The following CTNNBIP1 variants were observed in gnomAD, a reference collection of about 807,000 sequenced individuals.
CTNNBIP1 encodes beta-catenin-interacting protein 1.
In CTNNBIP1, 7 loss-of-function variants were observed where a neutral mutation model predicts 11.8. That is an observed-to-expected ratio of 0.60 (90% confidence interval 0.34 to 1.12). The LOEUF (loss-of-function observed/expected upper bound fraction) is 1.12. Ranked by LOEUF, CTNNBIP1 falls within the 50% of genes most tolerant of loss-of-function variation. The pLI is 0.03. For synonymous variants in CTNNBIP1, 58 were observed against 43.9 expected, an observed-to-expected ratio of 1.32 and a Z score of -1.26; for missense variants, 101 against 113.4, an observed-to-expected ratio of 0.89 and a Z score of 0.50.
At chr1:9,873,578 G>T (rs898854865) in intron 3 of CTNNBIP1, among the ~76,000 whole-genome samples, 1 of 152,120 alleles carries the variant, frequency 6.6e-6, no homozygotes, top group Admixed American at 6.5e-5. Context: ...ACACAGCCTT[G>T]TGGGGTGAAC....
chr1:9,858,782 G>A (rs2101445172), intron 5 of CTNNBIP1, among the ~76,000 whole-genome samples: 1 of 152,288 alleles, frequency 6.6e-6, no homozygotes, highest in African/African-American at 2.4e-5. Flanking sequence ...TGGGACACAG[G>A]ATGAATCTTT....
At chr1:9,876,880 A>G (rs995026072) in intron 3 of CTNNBIP1, among the ~76,000 whole-genome samples, 10 of 148,000 alleles carry the variant, frequency 6.8e-5, no homozygotes, top group Non-Finnish European at 1.5e-4. Flanking sequence ...ACACACACAC[A>G]CACACACACA....
At position 9,851,283 on chromosome 1, in the gene CTNNBIP1, G is replaced by A. The variant is rs757548139; in HGVS notation, c.188-507C>T. On this transcript the variant is annotated intron_variant, in intron 5 of 5. Coordinates refer to ENST00000377263, the MANE Select transcript of CTNNBIP1 (RefSeq NM_020248.3). This position sits in a 1 kb window ranked among gnomAD's most constrained non-coding sequence, Gnocchi z 4.8. ...AACACCTCTTCCAAGAAGTATGGCC[G>A]GGCCCACGTCCAGCCTGCTGTCCGC... Among the ~76,000 whole-genome samples, 3 of 152,284 alleles carry A rather than the reference G, an allele frequency of 2.0e-5. No homozygotes were observed. Among genetic ancestry groups the A allele is most frequent in the East Asian group, 1.9e-4 (1 of 5,186 alleles).
chr1:9,868,210 G>A (rs1281065619), intron 5 of CTNNBIP1, among the ~76,000 whole-genome samples: 1 of 152,216 alleles, frequency 6.6e-6, no homozygotes, highest in Non-Finnish European at 1.5e-5. Flanking sequence ...GCAGCAGGGA[G>A]TGACTCCCAC....
chr1:9,862,957 A>AG (rs1638663850), intron 5 of CTNNBIP1, among the ~76,000 whole-genome samples: 1 of 152,164 alleles, frequency 6.6e-6, no homozygotes, highest in Non-Finnish European at 1.5e-5. Flanking sequence ...CCAGGGCTTG[A>AG]GGGGGGAAGT....
chr1:9,857,139 A>G (rs1392356872), intron 5 of CTNNBIP1, among the ~76,000 whole-genome samples: 1 of 150,090 alleles, frequency 6.7e-6, no homozygotes, highest in African/African-American at 2.5e-5. Flanking sequence ...AAACAAAACA[A>G]AACAAAAAAA....
At chr1:9,869,798 G>A (rs564068566) in intron 5 of CTNNBIP1, among the ~76,000 whole-genome samples, 61 of 152,234 alleles carry the variant, frequency 4.0e-4, no homozygotes, top group Non-Finnish European at 8.7e-4. Flanking sequence ...TCAGAAGCCT[G>A]AAGGTTTCAG....
chr1:9,871,680 GA>G lies in CTNNBIP1; in HGVS notation c.96+288del, dbSNP rs981070359. 1.3e-5 allele frequency among the ~76,000 whole-genome samples: 2 copies of G among 152,168 alleles called. No individual in the cohort carries two copies. Among genetic ancestry groups the G allele is most frequent in the African/African-American group, 4.8e-5 (2 of 41,436 alleles). ...CCCTGAGCTGCCCCCTGGGAGAGAA[GA>G]CTTTCGGGCTTGTGAGGGGGAGAAA... On this transcript the variant is annotated intron_variant, in intron 4 of 5. Coordinates refer to ENST00000377263, the MANE Select transcript of CTNNBIP1 (RefSeq NM_020248.3). The surrounding 1 kb of genome is among the most constrained non-coding windows in gnomAD (Gnocchi z 5.2).
At chr1:9,857,334 G>T (rs903631986) in intron 5 of CTNNBIP1, among the ~76,000 whole-genome samples, 4 of 151,376 alleles carry the variant, frequency 2.6e-5, no homozygotes, top group Non-Finnish European at 5.9e-5. Flanking sequence ...CAAAAAATTA[G>T]CCGGGTGTGG....
At position 9,857,266 on chromosome 1, in the gene CTNNBIP1, G is replaced by T. The variant is rs550381703; in HGVS notation, c.188-6490C>A. ...GGGGCCAAGATGGGCAGATCACAAG[G>T]TCAGGAGATCAAGACCATCCTGGCT... On this transcript the variant is annotated intron_variant, in intron 5 of 5. Coordinates refer to ENST00000377263, the MANE Select transcript of CTNNBIP1 (RefSeq NM_020248.3). Among the ~76,000 whole-genome samples, 9 of 151,098 alleles carry T rather than the reference G, an allele frequency of 6.0e-5. 1 individual carries two copies. In the South Asian group the frequency reaches 1.5e-3, roughly 25 times the overall value.
chr1:9,892,393 G>A (rs945932596), intron 1 of CTNNBIP1, among the ~76,000 whole-genome samples: 5 of 149,592 alleles, frequency 3.3e-5, no homozygotes, highest in African/African-American at 1.2e-4. Flanking sequence ...CTGCATTCCA[G>A]CCTGGGGGAC....
Position 9,872,053 on chromosome 1 carries a change from C to T in CTNNBIP1, c.12G>A (p.Glu4=). 6.2e-7 allele frequency: 1 copy of T among 1,614,168 alleles called. No homozygotes were observed. The highest frequency in any genetic ancestry group is 8.5e-7 in the Non-Finnish European group (1 of 1,179,968). ...CCTCCGGACTCTTCCCGGGAGCTCC[C>T]TCGCGGTTCATCCCCCTGCCTGGCT... MNR[E]GAPGKSPEEM... Residue 4 remains glutamate (E), a synonymous_variant, in exon 4 of 6, where the codon GAG becomes GAA. Transcript: ENST00000377263. The surrounding 1 kb of genome is among the most constrained non-coding windows in gnomAD (Gnocchi z 4.0).
intron 1 of CTNNBIP1, among the ~76,000 whole-genome samples, chr1:9,896,556 C>T (rs113787508): frequency 4.6e-5 from 7 of 151,232 alleles, no homozygotes; most frequent in African/African-American, 1.5e-4. Flanking sequence ...AAAATTAGGC[C>T]GGCCATGGCG....
intron 5 of CTNNBIP1, among the ~76,000 whole-genome samples, chr1:9,869,201 T>C (rs1638807914): frequency 6.6e-6 from 1 of 151,962 alleles, no homozygotes. Context: ...GGTCTCCCTA[T>C]GTTGCCCAGG....
chr1:9,858,366 C>CCACAG (rs1638552018), intron 5 of CTNNBIP1, among the ~76,000 whole-genome samples: 1 of 152,216 alleles, frequency 6.6e-6, no homozygotes, highest in Non-Finnish European at 1.5e-5. Flanking sequence ...CACCTCCTCA[C>CCACAG]TGTGGCCTGC....
intron 1 of CTNNBIP1, among the ~76,000 whole-genome samples, chr1:9,887,972 C>T (rs1185732476): frequency 6.6e-6 from 1 of 151,644 alleles, no homozygotes; most frequent in Non-Finnish European, 1.5e-5. Context: ...TACAGGCACC[C>T]ACCACCACAC....
chr1:9,861,616 G>A (rs1490904752), intron 5 of CTNNBIP1, among the ~76,000 whole-genome samples: 6 of 152,224 alleles, frequency 3.9e-5, no homozygotes, highest in Non-Finnish European at 5.9e-5. Context: ...GCTGCTGGGC[G>A]GTGGCACTGC....
At chr1:9,860,109 G>T (rs751276116) in intron 5 of CTNNBIP1, among the ~76,000 whole-genome samples, 2 of 152,136 alleles carry the variant, frequency 1.3e-5, no homozygotes, top group Non-Finnish European at 2.9e-5. Flanking sequence ...CAGGGAGAAA[G>T]AAAACAGACC....
At position 9,855,964 on chromosome 1, in the gene CTNNBIP1, G is replaced by A. The variant is rs145346649; in HGVS notation, c.188-5188C>T. ...AGTTTGAGACCAGCCTGATCAACAT[G>A]GTGAAACCCCATCTCTACTAAAAAT... On this transcript the variant is annotated intron_variant, in intron 5 of 5. Coordinates refer to ENST00000377263, the MANE Select transcript of CTNNBIP1 (RefSeq NM_020248.3). 2.0e-3 allele frequency among the ~76,000 whole-genome samples: 297 copies of A among 152,084 alleles called. 2 individuals are homozygous for A. The highest frequency in any genetic ancestry group is 6.6e-3 in the African/African-American group (275 of 41,482).
Sources: gnomAD v4.1 joint callset for allele counts (sites outside exome capture counted in the v4.1 genomes callset) on GRCh38, gnomAD v4.1.1 for gene constraint, Gnocchi (gnomAD v3.1) non-coding constraint, MANE v1.5 for transcripts, NCBI Gene and HGNC (gene_info 2026-07-23, HGNC 2026-07-21) for gene names.